Variants in GCH1 observed in about 807,000 individuals in gnomAD.
GCH1 encodes the protein GTP cyclohydrolase 1.
GCH1 carries 5 observed loss-of-function variants against 25.9 expected under a neutral mutation model. The observed-to-expected ratio is 0.19, with a 90% CI of 0.10 to 0.41. GCH1 has a LOEUF of 0.41. Among genes scored for constraint, GCH1 ranks in the 10% least tolerant of loss-of-function variants. The pLI is 1.00. For synonymous variants in GCH1, 159 were observed against 129.6 expected (o/e 1.23, Z -1.54); for missense variants, 261 against 336.5 (o/e 0.78, Z 1.75).
chr14:54,876,671 CATA>C (rs916551819), intron 1 of GCH1, among the ~76,000 whole-genome samples: 1 of 151,752 alleles, frequency 6.6e-6, no homozygotes, highest in Admixed American at 6.6e-5. Context: ...CTCTAAAAAT[CATA>C]ATAATAATAA....
At chr14:54,862,304 T>G (rs2039910177) in intron 2 of GCH1, among the ~76,000 whole-genome samples, 1 of 151,866 alleles carries the variant, frequency 6.6e-6, no homozygotes, top group African/African-American at 2.4e-5. Context: ...TCGCTGGGAT[T>G]ACAGGCATGA....
chr14:54,900,049 G>A lies in GCH1; in HGVS notation c.343+2272C>T, dbSNP rs189846338. Among the ~76,000 whole-genome samples, 385 of 151,894 alleles carry A rather than the reference G, an allele frequency of 2.5e-3. 2 individuals carry two copies. The highest frequency in any genetic ancestry group is 9.0e-3 in the African/African-American group (371 of 41,382). ...CCGGCTAATTTTTGTATTTTTGGTA[G>A]AGAATGGGTTTTCCCATGTTGGCCA... On this transcript the variant is annotated intron_variant, in intron 1 of 5. Transcript: ENST00000491895.
chr14:54,899,289 C>T (rs1393814405), intron 1 of GCH1, among the ~76,000 whole-genome samples: 2 of 151,962 alleles, frequency 1.3e-5, no homozygotes, highest in Admixed American at 1.3e-4. Flanking sequence ...GGCAAAAACC[C>T]GTCTCTATCA....
chr14:54,844,289 T>C (rs1362309815), intron 5 of GCH1, 146 bp from the exon 6 acceptor site: 2 of 743,424 alleles, frequency 2.7e-6, no homozygotes, highest in Non-Finnish European at 4.9e-6. Flanking sequence ...TCTATTAGGT[T>C]CATGCAAAAG....
intron 1 of GCH1, among the ~76,000 whole-genome samples, chr14:54,891,152 G>T (rs941560882): frequency 6.6e-6 from 1 of 152,160 alleles, no homozygotes; most frequent in African/African-American, 2.4e-5. Context: ...ATCCAGGTTG[G>T]AGTGTAGTGG....
chr14:54,872,332 G>C (rs1228347196), intron 1 of GCH1, among the ~76,000 whole-genome samples: 7 of 152,004 alleles, frequency 4.6e-5, no homozygotes, highest in African/African-American at 1.7e-4. Flanking sequence ...TGCCCTACAA[G>C]AGCTCCTGAA....
chr14:54,887,211 C>T (rs1414038012), intron 1 of GCH1, among the ~76,000 whole-genome samples: 1 of 152,150 alleles, frequency 6.6e-6, no homozygotes, highest in Non-Finnish European at 1.5e-5. Flanking sequence ...TCTAGAGAAG[C>T]TTATCCTAGA....
chr14:54,899,809 C>G (rs2040537614), intron 1 of GCH1, among the ~76,000 whole-genome samples: 1 of 152,110 alleles, frequency 6.6e-6, no homozygotes, highest in African/African-American at 2.4e-5. Context: ...ACTACCCATC[C>G]CCCTCTTCTC....
Position 54,843,839 on chromosome 14 carries a change from G to A in GCH1, c.*178C>T. The A allele has an allele frequency of 6.2e-7, 1 of 1,612,192 alleles. No homozygotes were observed. Among genetic ancestry groups the A allele is most frequent in the South Asian group, 1.1e-5 (1 of 90,930 alleles). On this transcript the variant is annotated 3_prime_UTR_variant, in exon 6 of 6. Coordinates refer to ENST00000491895, the MANE Select transcript of GCH1 (RefSeq NM_000161.3). ...AAAGGTGGCAAGAAGAAAGTAGAGG[G>A]CTCAACCCTTTATTATATTTATTTG...
intron 2 of GCH1, among the ~76,000 whole-genome samples, chr14:54,862,613 G>T (rs868746287): frequency 1.7e-4 from 18 of 105,734 alleles, no homozygotes; most frequent in East Asian, 2.8e-4. Context: ...TTTTTGGTTG[G>T]TTTTTTTTTT....
chr14:54,879,411 T>G (rs55881030), intron 1 of GCH1, among the ~76,000 whole-genome samples: 28,520 of 109,444 alleles, frequency 0.26, 3,086 homozygotes, highest in Admixed American at 0.34. Flanking sequence ...ACAGAGCAAG[T>G]CCCTGTCTCA....
intron 2 of GCH1, among the ~76,000 whole-genome samples, chr14:54,864,179 C>G (rs2039959616): frequency 6.6e-6 from 1 of 151,942 alleles, no homozygotes; most frequent in African/African-American, 2.4e-5. Context: ...TTCTTGATCT[C>G]TGAAGTGGTA....
intron 1 of GCH1, chr14:54,884,827 T>A (rs2040327619): frequency 6.5e-6 from 1 of 153,374 alleles, no homozygotes; most frequent in Admixed American, 6.5e-5. Flanking sequence ...AGTAATTTAT[T>A]GAGAGCCTCC....
chr14:54,893,125 C>A (rs1353837460), intron 1 of GCH1, among the ~76,000 whole-genome samples: 1 of 152,160 alleles, frequency 6.6e-6, no homozygotes, highest in Non-Finnish European at 1.5e-5. Flanking sequence ...GAATAAAATT[C>A]TAGTAAATGA....
chr14:54,844,542 G>A (rs1362966488), intron 5 of GCH1, among the ~76,000 whole-genome samples: 3 of 152,208 alleles, frequency 2.0e-5, no homozygotes, highest in African/African-American at 7.2e-5. Context: ...CTGCCTTCAG[G>A]ACCAAGACAG....
chr14:54,893,729 T>G lies in GCH1; in HGVS notation c.343+8592A>C, dbSNP rs563900072. Among the ~76,000 whole-genome samples the G allele has an allele frequency of 4.6e-5, 7 of 152,216 alleles. No individual in the cohort carries two copies. In the South Asian group the frequency reaches 6.2e-4, roughly 14 times the overall value. On this transcript the variant is annotated intron_variant, in intron 1 of 5. Coordinates refer to ENST00000491895, the MANE Select transcript of GCH1 (RefSeq NM_000161.3). Reference sequence around the variant, plus strand: ...CTACCCCATCGTGCTACTGTGAGGATCAAATGAGGTAACACATGTAAAAAC... The same window carrying G: ...CTACCCCATCGTGCTACTGTGAGGAGCAAATGAGGTAACACATGTAAAAAC...
intron 1 of GCH1, chr14:54,885,435 G>T: frequency 4.4e-6 from 1 of 227,534 alleles, no homozygotes; most frequent in East Asian, 1.3e-4. Flanking sequence ...TCAGGTAATG[G>T]GGTTGCTCTC....
intron 2 of GCH1, among the ~76,000 whole-genome samples, chr14:54,864,309 T>TGATGGGTATA (rs1276253186): frequency 3.9e-5 from 6 of 152,234 alleles, no homozygotes; most frequent in African/African-American, 1.4e-4. Context: ...TAACTTTAGT[T>TGATGGGTATA]GATGGGTATA....
In GCH1 at chr14:54,895,882, C is replaced by T. The variant is rs2040477364; in HGVS notation, c.343+6439G>A. On this transcript the variant is annotated intron_variant, in intron 1 of 5. Coordinates refer to ENST00000491895, the MANE Select transcript of GCH1 (RefSeq NM_000161.3). ...GAATAGTACTAGGAAACCTATACAA[C>T]CCTGACACCACCCTGGTCACAGATG... Among the ~76,000 whole-genome samples, 5 of 152,180 alleles carry T rather than the reference C, an allele frequency of 3.3e-5. No individual in the cohort carries two copies. In the South Asian group the frequency reaches 1.0e-3, roughly 31 times the overall value.
Sources: gnomAD v4.1 joint callset for allele counts (sites outside exome capture counted in the v4.1 genomes callset) on GRCh38, gnomAD v4.1.1 for gene constraint, MANE v1.5 for transcripts, NCBI Gene and HGNC (gene_info 2026-07-23, HGNC 2026-07-21) for gene names.